Variants in QRFPR observed in about 807,000 individuals in gnomAD.
QRFPR encodes pyroglutamylated RF-amide peptide receptor.
A neutral mutation model predicts 31.3 loss-of-function variants in QRFPR; 37 were observed. The observed-to-expected ratio is 1.18, with a 90% confidence interval of 0.91 to 1.56. The LOEUF (loss-of-function observed/expected upper bound fraction) is 1.56. Among genes scored for constraint, QRFPR ranks in the 40% most tolerant of loss-of-function variants. QRFPR has a pLI of 0.00. For missense variants in QRFPR, 542 were observed against 532.5 expected (o/e 1.02, Z -0.18); for synonymous variants, 197 against 192.0 (o/e 1.03, Z -0.22).
intron 1 of QRFPR, among the ~76,000 whole-genome samples, chr4:121,349,451 T>C (rs1725722531): frequency 2.6e-5 from 4 of 152,240 alleles, no homozygotes; most frequent in Admixed American, 6.5e-5. Flanking sequence ...TTCTTGTTTT[T>C]GTCTTCCAAC....
intron 1 of QRFPR, among the ~76,000 whole-genome samples, chr4:121,378,436 G>A (rs961244145): frequency 5.9e-5 from 8 of 136,228 alleles, no homozygotes; most frequent in East Asian, 2.1e-4. Flanking sequence ...TTTTTGAGAC[G>A]GAGTCTTGCT....
chr4:121,378,340 C>A (rs1726395748), intron 1 of QRFPR, among the ~76,000 whole-genome samples: 1 of 151,582 alleles, frequency 6.6e-6, no homozygotes. Context: ...ATGGAAGATG[C>A]ACCATATGGC....
At chr4:121,356,584 T>A (rs1725875875) in intron 1 of QRFPR, among the ~76,000 whole-genome samples, 1 of 152,186 alleles carries the variant, frequency 6.6e-6, no homozygotes, top group Non-Finnish European at 1.5e-5. Flanking sequence ...AGAGATTGAG[T>A]GTCATGATCT....
At chr4:121,371,491 T>C (rs952001817) in intron 1 of QRFPR, among the ~76,000 whole-genome samples, 4 of 152,116 alleles carry the variant, frequency 2.6e-5, no homozygotes, top group African/African-American at 9.7e-5. Context: ...ATTGGCAGCC[T>C]GGAAGTTGGT....
chr4:121,356,921 G>A (rs1033131080), intron 1 of QRFPR, among the ~76,000 whole-genome samples: 6 of 152,076 alleles, frequency 3.9e-5, no homozygotes, highest in Admixed American at 1.3e-4. Context: ...CTAGGGCTGA[G>A]AGGGGGTCTA....
chr4:121,365,602 A>ATATT (rs1560744079), intron 1 of QRFPR, among the ~76,000 whole-genome samples: 31 of 12,900 alleles, frequency 2.4e-3, no homozygotes, highest in African/African-American at 0.011. Context: ...ATATATATAT[A>ATATT]ATATATATAT....
At chr4:121,331,310 C>T (rs928317002) in intron 4 of QRFPR, among the ~76,000 whole-genome samples, 14 of 149,732 alleles carry the variant, frequency 9.4e-5, no homozygotes, top group Non-Finnish European at 1.6e-4. Context: ...TCAGCCTCCA[C>T]GTAGCTGGGA....
intron 4 of QRFPR, 21 bp from the exon 5 acceptor site, chr4:121,330,544 T>A (rs1367428520): frequency 1.3e-6 from 2 of 1,583,904 alleles, no homozygotes; most frequent in African/African-American, 2.7e-5. Flanking sequence ...AAGGAAACAT[T>A]GTATTAGTTA....
chr4:121,339,397 CATTT>C (rs1405618281), intron 2 of QRFPR, among the ~76,000 whole-genome samples: 1 of 152,108 alleles, frequency 6.6e-6, no homozygotes. Flanking sequence ...TCAAATTTAC[CATTT>C]ATCATGAGGT....
At chr4:121,380,228 A>ATCCCCT in intron 1 of QRFPR, 80 bp downstream of exon 1, 1 of 960,884 alleles carries the variant, frequency 1.0e-6, no homozygotes. Flanking sequence ...AGAGAGAGAG[A>ATCCCCT]GAGAGAGAGA....
At chr4:121,352,933 C>T (rs1311349714) in intron 1 of QRFPR, among the ~76,000 whole-genome samples, 6 of 151,682 alleles carry the variant, frequency 4.0e-5, no homozygotes, top group Non-Finnish European at 5.9e-5. Context: ...CATTTTTTTT[C>T]TTTCGTTCCC....
At chr4:121,369,244 G>A (rs570199766) in intron 1 of QRFPR, among the ~76,000 whole-genome samples, 1 of 152,294 alleles carries the variant, frequency 6.6e-6, no homozygotes, top group South Asian at 2.1e-4. Flanking sequence ...GGCCAGGCTG[G>A]TCTTTAACTC....
intron 1 of QRFPR, among the ~76,000 whole-genome samples, chr4:121,344,425 A>G (rs979768985): frequency 6.6e-6 from 1 of 152,204 alleles, no homozygotes; most frequent in African/African-American, 2.4e-5. Flanking sequence ...TTACTGTTTT[A>G]ATAAATTCAG....
At chr4:121,353,086 A>C (rs535749921) in intron 1 of QRFPR, among the ~76,000 whole-genome samples, 44 of 152,220 alleles carry the variant, frequency 2.9e-4, no homozygotes, top group African/African-American at 9.9e-4. Context: ...CATTGTGTGC[A>C]TGTACCACAT....
At chr4:121,354,142 C>A (rs373061079) in intron 1 of QRFPR, among the ~76,000 whole-genome samples, 1 of 151,902 alleles carries the variant, frequency 6.6e-6, no homozygotes, top group Non-Finnish European at 1.5e-5. Context: ...TCAGATCGTG[C>A]GGTTTTTCCA....
chr4:121,365,589 ATTATAT>A (rs1560743951), intron 1 of QRFPR, among the ~76,000 whole-genome samples: 832 of 6,610 alleles, frequency 0.13, 65 homozygotes, highest in South Asian at 0.2. Context: ...TATTATATAT[ATTATAT>A]ATATATAATA....
intron 1 of QRFPR, among the ~76,000 whole-genome samples, chr4:121,345,489 G>A (rs2110472273): frequency 6.6e-6 from 1 of 152,222 alleles, no homozygotes; most frequent in South Asian, 2.1e-4. Flanking sequence ...CTGGAAGGTA[G>A]GTTTTTTAAA....
chr4:121,364,656 G>GAAAA (rs1255273282), intron 1 of QRFPR, among the ~76,000 whole-genome samples: 1 of 147,564 alleles, frequency 6.8e-6, no homozygotes, highest in Non-Finnish European at 1.5e-5. Flanking sequence ...AAAAAGAAAA[G>GAAAA]AAAAAAGAAA....
chr4:121,340,214 G>A (rs1725515634), intron 2 of QRFPR: 5 of 474,380 alleles, frequency 1.1e-5, no homozygotes, highest in African/African-American at 2.0e-5. Context: ...GTGCTTAAAC[G>A]TTTAAGATGT....
Sources: gnomAD v4.1 joint callset for allele counts (sites outside exome capture counted in the v4.1 genomes callset) on GRCh38, gnomAD v4.1.1 for gene constraint, MANE v1.5 for transcripts, NCBI Gene and HGNC (gene_info 2026-07-23, HGNC 2026-07-21) for gene names.